PRELID2: variants seen among roughly 807,000 people sequenced by gnomAD.
PRELID2 encodes the protein PRELI domain-containing protein 2.
A neutral mutation model predicts 28.4 loss-of-function variants in PRELID2; 25 were observed. That is an observed-to-expected ratio of 0.88 (90% CI 0.64 to 1.23). PRELID2 has a LOEUF of 1.23. PRELID2 is among the 50% of genes most tolerant of loss of function. The probability of loss-of-function intolerance (pLI) is 0.00; values close to 1 mark genes in which losing one functional copy is unlikely to be tolerated. For synonymous variants in PRELID2, 76 were observed against 71.6 expected, an observed-to-expected ratio of 1.06 and a Z score of -0.31; for missense variants, 201 against 214.4, an observed-to-expected ratio of 0.94 and a Z score of 0.39.
intron 1 of PRELID2, among the ~76,000 whole-genome samples, chr5:145,823,979 A>C (rs73794448): frequency 6.6e-6 from 1 of 152,198 alleles, no homozygotes; most frequent in Non-Finnish European, 1.5e-5. Flanking sequence ...CAGCTAATGA[A>C]TAGTGTATCT....
At chr5:145,336,165 G>A in the PRELID2 span, among the ~76,000 whole-genome samples, 10 of 152,112 alleles carry the variant, frequency 6.6e-5, no homozygotes, top group South Asian at 4.1e-4. Context: ...TGTAGATTCC[G>A]GATATTAGCC....
chr5:145,707,164 A>G (rs976536539), intron 1 of PRELID2, among the ~76,000 whole-genome samples: 1 of 152,190 alleles, frequency 6.6e-6, no homozygotes, highest in African/African-American at 2.4e-5. Flanking sequence ...TTTTATACTC[A>G]TTTTATTAAT....
chr5:145,702,654 C>T (rs1423416371), intron 1 of PRELID2, among the ~76,000 whole-genome samples: 1 of 152,146 alleles, frequency 6.6e-6, no homozygotes, highest in African/African-American at 2.4e-5. Context: ...GCCTGAAGCA[C>T]CCCCATGCCC....
chr5:145,706,524 G>A (rs569369838), intron 1 of PRELID2, among the ~76,000 whole-genome samples: 10 of 152,150 alleles, frequency 6.6e-5, no homozygotes, highest in South Asian at 6.2e-4. Flanking sequence ...AGCTCTGCCC[G>A]GTCTTCATCT....
At chr5:145,373,353 TAA>T in the PRELID2 span, among the ~76,000 whole-genome samples, 2 of 95,886 alleles carry the variant, frequency 2.1e-5, no homozygotes, top group Non-Finnish European at 3.9e-5. Context: ...ACAACATATA[TAA>T]TATATATGAT....
chr5:145,705,877 T>A (rs1264314953), intron 1 of PRELID2, among the ~76,000 whole-genome samples: 1 of 151,630 alleles, frequency 6.6e-6, no homozygotes, highest in Non-Finnish European at 1.5e-5. Context: ...ATCAAAAAAA[T>A]ATGAAGTATA....
the PRELID2 span, among the ~76,000 whole-genome samples, chr5:145,341,390 T>A: frequency 2.6e-5 from 4 of 151,994 alleles, no homozygotes; most frequent in Non-Finnish European, 5.9e-5. Flanking sequence ...GAGTGAGAAA[T>A]TAACTAAAGA....
the PRELID2 span, among the ~76,000 whole-genome samples, chr5:145,398,159 A>T: frequency 3.9e-5 from 6 of 152,036 alleles, no homozygotes; most frequent in Non-Finnish European, 7.4e-5. Context: ...CTCAGTCTGT[A>T]CTGCCCATCT....
At chr5:145,336,193 G>T in the PRELID2 span, among the ~76,000 whole-genome samples, 1 of 152,080 alleles carries the variant, frequency 6.6e-6, no homozygotes, top group Admixed American at 6.5e-5. Flanking sequence ...AGATGAGTAG[G>T]TTGCAAAAAT....
chr5:145,396,930 G>A, the PRELID2 span, among the ~76,000 whole-genome samples: 6 of 151,956 alleles, frequency 3.9e-5, no homozygotes, highest in South Asian at 1.2e-3. Context: ...TGCAAAGTGA[G>A]TAATAAGAAA....
chr5:145,572,403 G>A (rs1221195120), intron 1 of PRELID2, among the ~76,000 whole-genome samples: 1 of 152,088 alleles, frequency 6.6e-6, no homozygotes, highest in Non-Finnish European at 1.5e-5. Flanking sequence ...ATATTTCACA[G>A]AGTTCTATTC....
intron 5 of PRELID2, among the ~76,000 whole-genome samples, chr5:145,780,542 A>G (rs1481321343): frequency 6.6e-6 from 1 of 152,224 alleles, no homozygotes; most frequent in Non-Finnish European, 1.5e-5. Flanking sequence ...AAATGGCTCT[A>G]CTGGAAATAT....
chr5:145,479,358 T>A (rs2126615174), intron 1 of PRELID2, among the ~76,000 whole-genome samples: 1 of 152,286 alleles, frequency 6.6e-6, no homozygotes, highest in African/African-American at 2.4e-5. Flanking sequence ...CCATACTCTT[T>A]CTAATTTCCT....
the PRELID2 span, among the ~76,000 whole-genome samples, chr5:145,253,879 A>T: frequency 6.6e-6 from 1 of 152,074 alleles, no homozygotes; most frequent in African/African-American, 2.4e-5. Context: ...TTTGAATGCA[A>T]CTTTTGTCAC....
intron 1 of PRELID2, among the ~76,000 whole-genome samples, chr5:145,653,515 C>A (rs1754336487): frequency 6.6e-6 from 1 of 152,306 alleles, no homozygotes; most frequent in South Asian, 2.1e-4. Context: ...CACTCCTCAG[C>A]AAATGTAAAA....
At chr5:145,731,816 C>T (rs1756355313) in intron 1 of PRELID2, among the ~76,000 whole-genome samples, 1 of 152,124 alleles carries the variant, frequency 6.6e-6, no homozygotes, top group South Asian at 2.1e-4. Context: ...TCCCTGATTC[C>T]AGGGGGAAAT....
intron 1 of PRELID2, among the ~76,000 whole-genome samples, chr5:145,582,754 T>C (rs1349441231): frequency 6.6e-6 from 1 of 151,714 alleles, no homozygotes; most frequent in African/African-American, 2.4e-5. Context: ...AGGAAGAAAA[T>C]GAATCCCTGA....
chr5:145,817,179 A>G (rs1443027976), intron 4 of PRELID2, among the ~76,000 whole-genome samples: 4 of 125,690 alleles, frequency 3.2e-5, no homozygotes, highest in Non-Finnish European at 6.9e-5. Context: ...TGACAGAGCA[A>G]GACTGCATTT....
rs376292992 is a variant in PRELID2, at chr5:145,612,963, T to C, written n.71-139648A>G. Reference sequence around the variant, plus strand: ...AATGACTTATTTTCCCCTGGGCAGATACCCAGTAGTGGGATTGCTGGATCA... The same window carrying C: ...AATGACTTATTTTCCCCTGGGCAGACACCCAGTAGTGGGATTGCTGGATCA... On this transcript the variant is annotated intron_variant and non_coding_transcript_variant, in intron 1 of 2. Transcript: ENST00000510259. 6.6e-5 allele frequency among the ~76,000 whole-genome samples: 10 copies of C among 152,302 alleles called. No individual in the cohort carries two copies. The South Asian group carries it at 2.1e-3, about 32-fold the overall frequency.
Sources: gnomAD v4.1 joint callset for allele counts (sites outside exome capture counted in the v4.1 genomes callset) on GRCh38, gnomAD v4.1.1 for gene constraint, MANE v1.5 for transcripts, NCBI Gene and HGNC (gene_info 2026-07-23, HGNC 2026-07-21) for gene names.